Variants in CEP164 observed in about 807,000 individuals in gnomAD.
CEP164 encodes the protein centrosomal protein of 164 kDa.
Under a neutral mutation model 182.7 loss-of-function variants are expected in CEP164, and 162 were observed. The ratio of observed to expected loss-of-function variants is 0.89; its 90% confidence interval spans 0.78 to 1.01. The LOEUF is 1.01. Among genes scored for constraint, CEP164 ranks in the 50% least tolerant of loss-of-function variants. The pLI is 0.00. For missense variants in CEP164, 1,735 were observed against 1,790.4 expected, an observed-to-expected ratio of 0.97 and a Z score of 0.56; for synonymous variants, 661 against 690.0, an observed-to-expected ratio of 0.96 and a Z score of 0.66.
chr11:117,412,099 A>C lies in CEP164; in HGVS notation c.4314A>C (p.Pro1438=). The C allele has an allele frequency of 6.2e-7, 1 of 1,614,068 alleles. No individual in the cohort carries two copies. The highest frequency in any genetic ancestry group is 8.5e-7 in the Non-Finnish European group (1 of 1,179,978). The change falls in exon 33 of 33, where the codon CCA becomes CCC. Residue 1438 remains proline (P), a synonymous_variant. Coordinates refer to ENST00000278935, the MANE Select transcript of CEP164 (RefSeq NM_014956.5). ...RLPLFSSTPK[P]KATLSLLQLG... ...CTCTCTTCTCGTCAACACCCAAGCC[A>C]AAAGCTACTTTGAGCCTCCTGCAGC...
intron 8 of CEP164, among the ~76,000 whole-genome samples, chr11:117,365,892 T>G (rs1565496947): frequency 6.6e-6 from 1 of 152,110 alleles, no homozygotes; most frequent in Non-Finnish European, 1.5e-5. Flanking sequence ...AAGGGTGGAT[T>G]TCTAAAAGCT....
At position 117,396,149 on chromosome 11, in the gene CEP164, A is replaced by G. The variant is rs746379630; in HGVS notation, c.3185A>G (p.His1062Arg). 8.1e-6 allele frequency: 12 copies of G among 1,480,924 alleles called. No individual in the cohort carries two copies. The highest frequency in any genetic ancestry group is 5.7e-5 in the African/African-American group (4 of 70,382). 91.7% of individuals were successfully genotyped at this position (1,480,924 alleles called of 1,614,324 possible). The change falls in exon 25 of 33, where the codon CAT becomes CGT. Residue 1062 changes from histidine to arginine, a missense_variant. Physicochemically the swap from His to Arg is conservative, Grantham distance 29 (BLOSUM62 0). Coordinates refer to ENST00000278935, the MANE Select transcript of CEP164 (RefSeq NM_014956.5). Reference protein sequence around the residue: ...NASPHFEPDLHIEDLRKSLGT... With the variant: ...NASPHFEPDLRIEDLRKSLGT... The stretch of plus-strand genomic sequence containing the variant: ...TCCCCACATTTTGAGCCAGATCTCC[A>G]TATTGAGGACCTGAGGAAATCCCTT...
Position 117,394,410 on chromosome 11 carries a change from A to C in CEP164, c.2677A>C (p.Arg893=). The change falls in exon 21 of 33, where the codon AGG becomes CGG. Residue 893 remains arginine, a synonymous_variant. Transcript: ENST00000278935. The surrounding 1 kb of genome is among the most constrained non-coding windows in gnomAD (Gnocchi z 4.0). ...HLTGELERLQ[R]AHERELETVR... is the part of the protein sequence containing the mutation. ...GACCGGAGAGCTGGAGCGCCTGCAG[A>C]GGGCCCATGAACGAGAACTGGAGAC... 6.2e-7 allele frequency: 1 copy of C among 1,613,420 alleles called. No homozygotes were observed. Among genetic ancestry groups the C allele is most frequent in the Non-Finnish European group, 8.5e-7 (1 of 1,179,764 alleles).
rs377611404 is a variant in CEP164, at chr11:117,397,067, CCTT to C, written c.3279-19_3279-17del. ...CAGAGTTCTTAGAGGCTTCTGTTTT[CCTT>C]CTTCAACTCTCCTGCTCCAGCCTGT... On this transcript the variant is annotated intron_variant, in intron 26 of 32. Coordinates refer to ENST00000278935, the MANE Select transcript of CEP164 (RefSeq NM_014956.5). 2.4e-4 allele frequency: 387 copies of C among 1,603,090 alleles called. 2 individuals are homozygous for C. The African/African-American group carries it at 4.8e-3, about 20-fold the overall frequency.
intron 4 of CEP164, among the ~76,000 whole-genome samples, chr11:117,351,484 C>G (rs2039614125): frequency 6.6e-6 from 1 of 152,210 alleles, no homozygotes; most frequent in East Asian, 1.9e-4. Context: ...TGTTCCTACA[C>G]TAGTCCAGCC....
chr11:117,374,404 A>G (rs111319447), intron 10 of CEP164, among the ~76,000 whole-genome samples: 88 of 152,292 alleles, frequency 5.8e-4, no homozygotes, highest in African/African-American at 1.9e-3. Flanking sequence ...GCTTTTTGGC[A>G]GAGCATTACC....
chr11:117,366,452 T>C (rs1318169924), intron 8 of CEP164, among the ~76,000 whole-genome samples: 1 of 152,124 alleles, frequency 6.6e-6, no homozygotes, highest in East Asian at 1.9e-4. Context: ...ACTTCAAGTC[T>C]ATTACAGACT....
intron 5 of CEP164, 89 bp from the exon 6 acceptor site, chr11:117,361,746 A>G: frequency 2.2e-6 from 3 of 1,380,868 alleles, no homozygotes; most frequent in Admixed American, 3.5e-5. Flanking sequence ...AGCGTGCAGG[A>G]TTTAGATGTT....
Position 117,394,823 on chromosome 11 carries a change from G to A in CEP164, c.2761-97G>A. The A allele has an allele frequency of 8.2e-7, 1 of 1,214,802 alleles. No individual in the cohort carries two copies. Among genetic ancestry groups the A allele is most frequent in the Non-Finnish European group, 1.2e-6 (1 of 832,116 alleles). The allele number at this position is 1,214,802 out of a possible 1,614,324, so 75.3% of individuals were successfully genotyped here. A position where few individuals can be genotyped will look rare whatever the true frequency, so the allele number is the denominator to read the frequency against. On this transcript the variant is annotated intron_variant, in intron 21 of 32. Transcript: ENST00000278935. This position sits in a 1 kb window ranked among gnomAD's most constrained non-coding sequence, Gnocchi z 4.0. ...CGAGGAAGCCTGAGCCCAGAGTGGA[G>A]GTTGTGGTGTGGCATGGTGGGTTCT... is the stretch of plus-strand genomic sequence containing the variant.
chr11:117,411,015 C>A lies in CEP164; in HGVS notation c.4163+121C>A. Reference sequence around the variant, plus strand: ...CCTGGTCTTACCCCAAGAAATCAGGCAGGCCTCTAGTCCACAGAGCTGTCC... The same window carrying A: ...CCTGGTCTTACCCCAAGAAATCAGGAAGGCCTCTAGTCCACAGAGCTGTCC... On this transcript the variant is annotated intron_variant, in intron 31 of 32. Coordinates refer to ENST00000278935, the MANE Select transcript of CEP164 (RefSeq NM_014956.5). The surrounding 1 kb of genome is among the most constrained non-coding windows in gnomAD (Gnocchi z 4.4). The A allele has an allele frequency of 1.1e-6, 1 of 881,404 alleles. No individual in the cohort carries two copies. The highest frequency in any genetic ancestry group is 1.8e-6 in the Non-Finnish European group (1 of 559,152). The allele number at this position is 881,404 out of a possible 1,614,324, so 54.6% of individuals were successfully genotyped here. A position where few individuals can be genotyped will look rare whatever the true frequency, so the allele number is the denominator to read the frequency against.
chr11:117,400,775 T>C (rs1330269925), intron 27 of CEP164, among the ~76,000 whole-genome samples: 1 of 152,230 alleles, frequency 6.6e-6, no homozygotes, highest in Admixed American at 6.5e-5. Context: ...ACTCATGCTT[T>C]GGCTCTCCGT....
chr11:117,365,255 C>A (rs2041492213), intron 8 of CEP164, among the ~76,000 whole-genome samples: 1 of 152,218 alleles, frequency 6.6e-6, no homozygotes, highest in Non-Finnish European at 1.5e-5. Flanking sequence ...AAGCAACTAG[C>A]CTGCTGCCTC....
At chr11:117,375,858 C>G in intron 11 of CEP164, 67 bp downstream of exon 11, 1 of 1,368,930 alleles carries the variant, frequency 7.3e-7, no homozygotes. Context: ...TCGGATGACC[C>G]AGAACTGAGC....
chr11:117,373,825 TG>T lies in CEP164; in HGVS notation c.1229del (p.Gly410AlafsTer37). 6.2e-7 allele frequency: 1 copy of T among 1,614,002 alleles called. No individual in the cohort carries two copies. Among genetic ancestry groups the T allele is most frequent in the Non-Finnish European group, 8.5e-7 (1 of 1,179,864 alleles). On this transcript the variant is annotated frameshift_variant, in exon 10 of 33. Coordinates refer to ENST00000278935, the MANE Select transcript of CEP164 (RefSeq NM_014956.5). LOFTEE classifies it high-confidence loss of function. ...SIASDPKSFH[G>X]LDFGFRSRIS... Reference sequence around the variant, plus strand: ...TAGCTTCTGACCCCAAGTCCTTCCATGGCCTGGTGAGTTTGAGATGAGGGCA... The same window carrying T: ...TAGCTTCTGACCCCAAGTCCTTCCATGCCTGGTGAGTTTGAGATGAGGGCA...
chr11:117,394,308 G>T lies in CEP164; in HGVS notation c.2617-42G>T, dbSNP rs552762582. On this transcript the variant is annotated intron_variant, in intron 20 of 32. Transcript: ENST00000278935. The surrounding 1 kb of genome is among the most constrained non-coding windows in gnomAD (Gnocchi z 4.0). Reference sequence around the variant, plus strand: ...GAGCTGTGATTTTTGTGGTAGAAGGGGCTGCCGCAGCTTCCCACCGGTGGG... The same window carrying T: ...GAGCTGTGATTTTTGTGGTAGAAGGTGCTGCCGCAGCTTCCCACCGGTGGG... 1.3e-6 allele frequency: 2 copies of T among 1,559,582 alleles called. No individual in the cohort carries two copies. Among genetic ancestry groups the T allele is most frequent in the African/African-American group, 2.7e-5 (2 of 73,864 alleles).
chr11:117,339,467 C>T (rs146639536), intron 3 of CEP164, among the ~76,000 whole-genome samples: 2 of 149,574 alleles, frequency 1.3e-5, no homozygotes, highest in South Asian at 2.1e-4. Context: ...TATGTGCCAG[C>T]GTCTGTTTTA....
At position 117,371,175 on chromosome 11, in the gene CEP164, A is replaced by T. The variant is rs750293765; in HGVS notation, c.861A>T (p.Pro287=). 6.2e-7 allele frequency: 1 copy of T among 1,614,222 alleles called. No individual in the cohort carries two copies. Among genetic ancestry groups the T allele is most frequent in the Non-Finnish European group, 8.5e-7 (1 of 1,180,024 alleles). ...GPPTPCKPSS[P]GADSSLSSAV... ...CTACTCCCTGCAAGCCCTCCAGCCCAGGTGCAGACAGCAGTCTGAGCAGTG... is the reference window on the plus strand; with the variant it reads ...CTACTCCCTGCAAGCCCTCCAGCCCTGGTGCAGACAGCAGTCTGAGCAGTG... Residue 287 remains proline (P), a synonymous_variant, in exon 9 of 33, where the codon CCA becomes CCT. Transcript: ENST00000278935.
chr11:117,362,455 A>C lies in CEP164; in HGVS notation c.604A>C (p.Ile202Leu). The stretch of plus-strand genomic sequence containing the variant: ...TTATACAAAGGGTCTCTTGGGCTCC[A>C]TATATGAGGACAAGACTGCTCTCAG... ...SAYTKGLLGS[I>L]YEDKTALSLL... The change falls in exon 7 of 33, where the codon ATA becomes CTA. Residue 202 changes from isoleucine to leucine, a missense_variant. Coordinates refer to ENST00000278935, the MANE Select transcript of CEP164 (RefSeq NM_014956.5). The C allele has an allele frequency of 1.9e-6, 3 of 1,613,700 alleles. No homozygotes were observed. Among genetic ancestry groups the C allele is most frequent in the Non-Finnish European group, 2.5e-6 (3 of 1,179,804 alleles).
chr11:117,407,247 G>T (rs1005155613), intron 27 of CEP164, among the ~76,000 whole-genome samples: 2 of 152,060 alleles, frequency 1.3e-5, no homozygotes, highest in African/African-American at 4.8e-5. Context: ...TATACATGCT[G>T]CCCACGACCC....
Sources: gnomAD v4.1 joint callset for allele counts (sites outside exome capture counted in the v4.1 genomes callset) on GRCh38, gnomAD v4.1.1 for gene constraint, Gnocchi (gnomAD v3.1) non-coding constraint, MANE v1.5 for transcripts, NCBI Gene and HGNC (gene_info 2026-07-23, HGNC 2026-07-21) for gene names.